Variants in LYST observed in about 807,000 individuals in gnomAD.
The protein encoded by LYST is lysosomal-trafficking regulator.
Under a neutral mutation model 413.6 loss-of-function variants are expected in LYST, and 192 were observed. The observed-to-expected ratio is 0.46, with a 90% CI of 0.41 to 0.52. The LOEUF (loss-of-function observed/expected upper bound fraction) is 0.52, where lower values mean the gene tolerates loss of function less well. Among genes scored for constraint, LYST ranks in the 20% least tolerant of loss-of-function variants. The pLI, the probability that LYST is intolerant of heterozygous loss-of-function variation, is 0.00. For missense variants in LYST, 3,815 were observed against 4,499.9 expected (o/e 0.85, Z 4.35); for synonymous variants, 1,525 against 1,567.3 (o/e 0.97, Z 0.64).
chr1:235,672,852 C>T, intron 50 of LYST, among the ~76,000 whole-genome samples: 1 of 152,094 alleles, frequency 6.6e-6, no homozygotes, highest in East Asian at 1.9e-4. Context: ...ACTGACCTCC[C>T]AACATTTGAG....
At chr1:235,705,247 C>T (rs7549827) in intron 44 of LYST, among the ~76,000 whole-genome samples, 1 of 151,966 alleles carries the variant, frequency 6.6e-6, no homozygotes, top group Non-Finnish European at 1.5e-5. Context: ...TTGTTTTGCC[C>T]CATTAAATAA....
At chr1:235,874,844 C>T (rs781753602) in intron 1 of LYST, among the ~76,000 whole-genome samples, 3 of 152,002 alleles carry the variant, frequency 2.0e-5, no homozygotes, top group Non-Finnish European at 4.4e-5. Context: ...TTTGTATGGG[C>T]GTGTGTGTGC....
chr1:235,830,297 T>A lies in LYST; in HGVS notation c.121A>T (p.Thr41Ser), dbSNP rs749681929. 1 of 1,613,964 alleles carries A rather than the reference T, an allele frequency of 6.2e-7. No individual in the cohort carries two copies. Among genetic ancestry groups the A allele is most frequent in the Non-Finnish European group, 8.5e-7 (1 of 1,179,902 alleles). The change falls in exon 3 of 53, where the codon ACC (threonine) becomes TCC (serine). Residue 41 changes from threonine (T) to serine (S), a missense_variant. Thr to Ser is a moderately conservative substitution (Grantham distance 58). Coordinates refer to ENST00000389793, the MANE Select transcript of LYST (RefSeq NM_000081.4). ...EEEEEETHMA[T>S]LGQYLVHGRG... is the part of the protein sequence containing the mutation. ...CCATGGACAAGGTACTGTCCAAGGG[T>A]TGCCATGTGCGTCTCCTCCTCTTCT...
chr1:235,844,825 C>G (rs962932633), intron 1 of LYST, among the ~76,000 whole-genome samples: 74 of 152,060 alleles, frequency 4.9e-4, no homozygotes, highest in African/African-American at 1.7e-3. Context: ...AAAGAATAAG[C>G]CAGTTAAAAC....
chr1:235,708,895 G>A (rs565628393), intron 44 of LYST, among the ~76,000 whole-genome samples, 196 bp downstream of exon 44: 37 of 152,194 alleles, frequency 2.4e-4, no homozygotes, highest in Non-Finnish European at 4.9e-4. Flanking sequence ...TTGTTTTGGG[G>A]CACCTCTGAA....
At chr1:235,873,750 AC>A (rs1427750521) in intron 1 of LYST, among the ~76,000 whole-genome samples, 1 of 152,172 alleles carries the variant, frequency 6.6e-6, no homozygotes, top group Non-Finnish European at 1.5e-5. Context: ...ATTAACTTTC[AC>A]CTGAAACCAC....
intron 13 of LYST, among the ~76,000 whole-genome samples, chr1:235,788,235 C>G (rs933074151): frequency 6.6e-6 from 1 of 152,178 alleles, no homozygotes; most frequent in African/African-American, 2.4e-5. Flanking sequence ...TCTGGGATCA[C>G]TACAACCTCT....
rs755805102 is a variant in LYST at position 235,762,784 on chromosome 1, C to T, written c.6189G>A (p.Arg2063=). 2 of 1,612,896 alleles carry T rather than the reference C, an allele frequency of 1.2e-6. No individual in the cohort carries two copies. The highest frequency in any genetic ancestry group is 1.7e-5 in the Admixed American group (1 of 59,974). Reference sequence around the variant, plus strand: ...CCATAAATCCAGGGCTCATAAGGGACCTTCCTCCACTGCTGGAATGCCTCA... The same window carrying T: ...CCATAAATCCAGGGCTCATAAGGGATCTTCCTCCACTGCTGGAATGCCTCA... ...MYLRHSSSGG[R]SLMSPGFMVI... The change falls in exon 22 of 53, where the codon AGG becomes AGA. Residue 2063 remains arginine (R), a synonymous_variant. Coordinates refer to ENST00000389793, the MANE Select transcript of LYST (RefSeq NM_000081.4).
At chr1:235,871,074 C>T (rs1680902359), upstream of LYST, among the ~76,000 whole-genome samples, 1 of 152,162 alleles carries the variant, frequency 6.6e-6, no homozygotes, top group Non-Finnish European at 1.5e-5. Flanking sequence ...AGTGCTTTAC[C>T]TTATTAGGAT....
At chr1:235,734,021 C>T (rs1664610044) in intron 32 of LYST, 115 bp from the exon 33 acceptor site, 1 of 571,012 alleles carries the variant, frequency 1.8e-6, no homozygotes, top group Non-Finnish European at 3.1e-6. Context: ...AAACAATTGT[C>T]CCTAGGAGAC....
intron 14 of LYST, 86 bp from the exon 15 acceptor site, chr1:235,782,173 G>T: frequency 8.3e-7 from 1 of 1,207,568 alleles, no homozygotes; most frequent in Non-Finnish European, 1.2e-6. Flanking sequence ...TTTAACAATG[G>T]GGAATTCTTT....
At chr1:235,881,832 A>G (rs1558377324) in intron 1 of LYST, among the ~76,000 whole-genome samples, 2 of 152,294 alleles carry the variant, frequency 1.3e-5, no homozygotes, top group Middle Eastern at 6.8e-3. Flanking sequence ...CAGACAGGAA[A>G]CAGAATGGTG....
At chr1:235,802,584 C>T (rs772854111) in intron 8 of LYST, among the ~76,000 whole-genome samples, 4 of 152,174 alleles carry the variant, frequency 2.6e-5, no homozygotes, top group East Asian at 1.9e-4. Context: ...GTTACTAATA[C>T]GACATCACCC....
At chr1:235,758,837 T>C in intron 23 of LYST, 135 bp downstream of exon 23, 6 of 728,190 alleles carry the variant, frequency 8.2e-6, no homozygotes, top group Non-Finnish European at 1.4e-5. Context: ...TTTGTTATTA[T>C]TATGTATATA....
At chr1:235,852,229 G>C (rs1481560011) in intron 1 of LYST, among the ~76,000 whole-genome samples, 1 of 152,166 alleles carries the variant, frequency 6.6e-6, no homozygotes, top group Non-Finnish European at 1.5e-5. Context: ...CAGAATCTTA[G>C]TAACAACTCA....
chr1:235,665,248 G>A lies in LYST; in HGVS notation c.11039-627C>T, dbSNP rs182117602. 6.8e-4 allele frequency among the ~76,000 whole-genome samples: 103 copies of A among 152,264 alleles called. 1 individual carries two copies. The highest frequency in any genetic ancestry group is 4.4e-4 in the Non-Finnish European group (30 of 68,022). On this transcript the variant is annotated intron_variant, in intron 50 of 52. Transcript: ENST00000389793. ...ATATGAACCACCAAATATGAGTTAT[G>A]ATTGAAAATACTTGGAAAGCTAAAC...
chr1:235,870,502 C>T (rs1229262844), upstream of LYST, among the ~76,000 whole-genome samples: 1 of 152,200 alleles, frequency 6.6e-6, no homozygotes, highest in Non-Finnish European at 1.5e-5. Context: ...GTCTCTGAGC[C>T]TACCTTGGCT....
At chr1:235,684,532 C>T (rs1660060318) in intron 48 of LYST, among the ~76,000 whole-genome samples, 1 of 152,164 alleles carries the variant, frequency 6.6e-6, no homozygotes, top group African/African-American at 2.4e-5. Flanking sequence ...ATAAAATTAA[C>T]ATTCATTTTA....
chr1:235,844,158 A>G (rs998595658), intron 1 of LYST, among the ~76,000 whole-genome samples: 2 of 152,172 alleles, frequency 1.3e-5, no homozygotes, highest in Admixed American at 1.3e-4. Context: ...ACTATTCTAA[A>G]TCCCAGCTCT....
Sources: allele counts gnomAD v4.1 joint callset (sites outside exome capture counted in the v4.1 genomes callset), GRCh38; gene constraint gnomAD v4.1.1; transcripts MANE v1.5; gene names NCBI Gene and HGNC (gene_info 2026-07-23, HGNC 2026-07-21).